The following PLB1 variants were observed in gnomAD, a reference collection of about 807,000 sequenced individuals.
PLB1 encodes phospholipase B1, membrane-associated.
PLB1 carries 242 observed loss-of-function variants against 227.4 expected under a neutral mutation model. That is an observed-to-expected ratio of 1.06 (90% CI 0.96 to 1.18). The LOEUF (loss-of-function observed/expected upper bound fraction) is 1.18, where lower values mean the gene tolerates loss of function less well. PLB1 is among the 50% of genes most tolerant of loss of function. PLB1 has a pLI of 0.00. For missense variants in PLB1, 1,858 were observed against 1,816.3 expected (o/e 1.02, Z -0.42); for synonymous variants, 757 against 682.2 (o/e 1.11, Z -1.71).
intron 51 of PLB1, among the ~76,000 whole-genome samples, chr2:28,627,678 G>T (rs6729040): frequency 0.3 from 46,245 of 151,930 alleles, 7,042 homozygotes; most frequent in East Asian, 0.35. Context: ...GAACAGCACT[G>T]GTCCTATGCC....
At position 28,582,398 on chromosome 2, in the gene PLB1, T is replaced by C. The variant is rs2148271388; in HGVS notation, c.1633-7T>C. 2.5e-6 allele frequency: 4 copies of C among 1,611,742 alleles called. No homozygotes were observed. In the East Asian group the frequency reaches 8.9e-5, roughly 36 times the overall value. ...TCCTCTTGGTGACTGAGTTTGCCTT[T>C]TCTCAGGTTCCTCGGGCATTTGTGA... On this transcript the variant is annotated splice_polypyrimidine_tract_variant and splice_region_variant and intron_variant, in intron 24 of 57. Coordinates refer to ENST00000327757, the MANE Select transcript of PLB1 (RefSeq NM_153021.5).
chr2:28,548,970 C>A, intron 15 of PLB1, 39 bp downstream of exon 15: 1 of 1,599,902 alleles, frequency 6.3e-7, no homozygotes, highest in South Asian at 1.1e-5. Context: ...CTTATTGAAT[C>A]GAGGGCGCAG....
intron 1 of PLB1, among the ~76,000 whole-genome samples, chr2:28,509,599 A>T (rs1667999086): frequency 6.6e-6 from 1 of 152,168 alleles, no homozygotes; most frequent in Non-Finnish European, 1.5e-5. Context: ...ATCTCGGCCA[A>T]ACCTGTTTCT....
chr2:28,590,112 G>T, intron 29 of PLB1, 36 bp downstream of exon 29: 1 of 1,548,504 alleles, frequency 6.5e-7, no homozygotes, highest in South Asian at 1.1e-5. Flanking sequence ...GGCTCCGGCT[G>T]CACTGGGCTT....
chr2:28,514,746 A>T (rs4233725), intron 1 of PLB1, among the ~76,000 whole-genome samples: 3 of 152,228 alleles, frequency 2.0e-5, no homozygotes, highest in Non-Finnish European at 4.4e-5. Context: ...TAGCTTCTTG[A>T]TTACAAGCAT....
Position 28,566,776 on chromosome 2 carries a change from T to G in PLB1, c.1281-20T>G, listed in dbSNP as rs10186460. On this transcript the variant is annotated intron_variant, in intron 19 of 57. Transcript: ENST00000327757. ...CTGGGATTTTAACCCTTCATTTTCT[T>G]TCTTGGACCCACGTTACAGCGTCGG... The G allele has an allele frequency of 3.1e-6, 5 of 1,613,456 alleles. No individual in the cohort carries two copies. Among genetic ancestry groups the G allele is most frequent in the Non-Finnish European group, 4.2e-6 (5 of 1,179,642 alleles).
At chr2:28,632,888 G>C in intron 55 of PLB1, 56 bp from the exon 56 acceptor site, 1 of 1,332,886 alleles carries the variant, frequency 7.5e-7, no homozygotes, top group South Asian at 1.2e-5. Context: ...GAGTGAGTGG[G>C]GCTCAGGTAG....
chr2:28,612,813 C>T (rs1476479052), intron 43 of PLB1, among the ~76,000 whole-genome samples: 1 of 136,906 alleles, frequency 7.3e-6, no homozygotes, highest in Admixed American at 7.6e-5. Context: ...GACAGGGTTT[C>T]ACCATGTTGT....
intron 26 of PLB1, among the ~76,000 whole-genome samples, chr2:28,588,768 G>A (rs1681347132): frequency 6.6e-6 from 1 of 152,176 alleles, no homozygotes; most frequent in Non-Finnish European, 1.5e-5. Context: ...ATTCACCTTT[G>A]ATTTTTCTGA....
Position 28,578,175 on chromosome 2 carries a change from G to A in PLB1, c.1485+17G>A, listed in dbSNP as rs1679316623. ...AATGACACGGTGGGTCCCTGGGATG[G>A]GAAGTAGGCAGGAAAAATCCCTGGA... On this transcript the variant is annotated intron_variant, in intron 22 of 57. Transcript: ENST00000327757. 3 of 1,612,974 alleles carry A rather than the reference G, an allele frequency of 1.9e-6. No homozygotes were observed. Among genetic ancestry groups the A allele is most frequent in the South Asian group, 1.1e-5 (1 of 90,990 alleles).
rs184134467 is a variant in PLB1, at chr2:28,643,185, G to A, written c.*124G>A. 1.3e-4 allele frequency: 119 copies of A among 897,838 alleles called. No individual in the cohort carries two copies. Among genetic ancestry groups the A allele is most frequent in the Middle Eastern group, 3.6e-4 (1 of 2,810 alleles). The allele number at this position is 897,838 out of a possible 1,614,324, so 55.6% of individuals were successfully genotyped here. A position where few individuals can be genotyped will look rare whatever the true frequency, so the allele number is the denominator to read the frequency against. ...GGTGCCATAGGAAGCCCAGGGGACA[G>A]TCACAACTTCTTGGGGCCTGGGCTT... is the stretch of plus-strand genomic sequence containing the variant. On this transcript the variant is annotated 3_prime_UTR_variant, in exon 58 of 58. Transcript: ENST00000327757.
Position 28,632,128 on chromosome 2 carries a change from C to G in PLB1, c.3990C>G (p.Thr1330=). ...VVQPFFQNTL[T]PLNERGDTDL... ...AGCCTTTCTTCCAAAACACACTCAC[C>G]CCACTGAACGAGGTGAGCTGCAGGT... Residue 1330 remains threonine, a synonymous_variant, in exon 55 of 58, where the codon ACC becomes ACG. Transcript: ENST00000327757. 1 of 1,613,408 alleles carries G rather than the reference C, an allele frequency of 6.2e-7. No homozygotes were observed. Among genetic ancestry groups the G allele is most frequent in the Middle Eastern group, 1.7e-4 (1 of 6,060 alleles).
chr2:28,638,124 T>C (rs759104616), intron 56 of PLB1, among the ~76,000 whole-genome samples: 5 of 151,924 alleles, frequency 3.3e-5, no homozygotes, highest in Non-Finnish European at 5.9e-5. Context: ...GCTACTCTCA[T>C]GGGACATACA....
chr2:28,627,488 C>T (rs550450311), intron 51 of PLB1, among the ~76,000 whole-genome samples: 29 of 152,252 alleles, frequency 1.9e-4, no homozygotes, highest in Admixed American at 3.9e-4. Flanking sequence ...TGGGCTGCCC[C>T]GACTAGGATT....
intron 17 of PLB1, among the ~76,000 whole-genome samples, chr2:28,560,884 A>G (rs1357842492): frequency 2.0e-5 from 3 of 152,164 alleles, no homozygotes; most frequent in African/African-American, 4.8e-5. Flanking sequence ...TCTCTCATAT[A>G]TGCTTCATGC....
intron 20 of PLB1, among the ~76,000 whole-genome samples, chr2:28,567,619 C>T (rs368099578): frequency 6.6e-6 from 1 of 151,492 alleles, no homozygotes; most frequent in African/African-American, 2.4e-5. Flanking sequence ...GACTACAGGC[C>T]CCCGCCACCA....
At chr2:28,580,420 TA>T (rs1679729480) in intron 23 of PLB1, among the ~76,000 whole-genome samples, 1 of 152,180 alleles carries the variant, frequency 6.6e-6, no homozygotes, top group Admixed American at 6.5e-5. Flanking sequence ...AAGAGAGGTC[TA>T]AAAGCAAAGT....
At chr2:28,585,088 A>G (rs1355097170) in intron 25 of PLB1, among the ~76,000 whole-genome samples, 2 of 152,134 alleles carry the variant, frequency 1.3e-5, no homozygotes, top group African/African-American at 4.8e-5. Context: ...ATTCAATAAT[A>G]ATTGCTAAGA....
chr2:28,549,115 T>G (rs1345284677), intron 15 of PLB1, among the ~76,000 whole-genome samples, 184 bp downstream of exon 15: 7 of 152,202 alleles, frequency 4.6e-5, no homozygotes, highest in Non-Finnish European at 7.3e-5. Flanking sequence ...CCATGAGAGC[T>G]GTTCTAGCAA....
Sources: gnomAD v4.1 joint callset for allele counts (sites outside exome capture counted in the v4.1 genomes callset) on GRCh38, gnomAD v4.1.1 for gene constraint, MANE v1.5 for transcripts, NCBI Gene and HGNC (gene_info 2026-07-23, HGNC 2026-07-21) for gene names.